Variants in KHDRBS2 observed in about 807,000 individuals in gnomAD.
KHDRBS2 encodes KH RNA binding domain containing, signal transduction associated 2.
In KHDRBS2, 26 loss-of-function variants were observed where a neutral mutation model predicts 44.3. The observed-to-expected ratio is 0.59, with a 90% CI of 0.43 to 0.81. KHDRBS2 has a LOEUF of 0.81. Among genes scored for constraint, KHDRBS2 ranks in the 40% least tolerant of loss-of-function variants. KHDRBS2 has a pLI of 0.00. For synonymous variants in KHDRBS2, 194 were observed against 151.1 expected (o/e 1.28, Z -2.08); for missense variants, 476 against 433.1 (o/e 1.10, Z -0.88).
At chr6:61,612,309 C>A in the KHDRBS2 span, among the ~76,000 whole-genome samples, 3 of 152,056 alleles carry the variant, frequency 2.0e-5, no homozygotes, top group African/African-American at 4.8e-5. Context: ...GATAACAGGT[C>A]TTTTTATAAA....
chr6:61,999,203 C>A (rs1200367116), intron 3 of KHDRBS2, among the ~76,000 whole-genome samples: 2 of 151,940 alleles, frequency 1.3e-5, no homozygotes, highest in African/African-American at 4.8e-5. Flanking sequence ...ATTTGTTCAC[C>A]AATTTCCAAC....
intron 2 of KHDRBS2, among the ~76,000 whole-genome samples, chr6:62,150,272 TGATGCAGG>T (rs1159312355): frequency 6.6e-6 from 1 of 150,792 alleles, no homozygotes; most frequent in Non-Finnish European, 1.5e-5. Flanking sequence ...TGGTGACAGT[TGATGCAGG>T]GATCATGCTT....
chr6:62,025,179 C>A (rs1006665002), intron 3 of KHDRBS2, among the ~76,000 whole-genome samples: 11 of 151,736 alleles, frequency 7.2e-5, no homozygotes, highest in Admixed American at 6.6e-5. Flanking sequence ...AGATTTTTAT[C>A]CTTTTCCAGC....
In KHDRBS2 at chr6:61,740,755, C is replaced by G. The variant is rs1776020044; in HGVS notation, c.811-7991G>C. Among the ~76,000 whole-genome samples the G allele has an allele frequency of 3.3e-5, 5 of 151,814 alleles. No homozygotes were observed. The South Asian group carries it at 1.0e-3, about 32-fold the overall frequency. On this transcript the variant is annotated intron_variant, in intron 6 of 8. Coordinates refer to ENST00000281156, the MANE Select transcript of KHDRBS2 (RefSeq NM_152688.4). ...AGCGTTGGCTGATGGTATTTTCTTC[C>G]AAAAAGCATTAAGTGTTTTCTTGTC...
intron 2 of KHDRBS2, among the ~76,000 whole-genome samples, chr6:62,161,888 A>C (rs982142625): frequency 2.0e-5 from 3 of 152,092 alleles, no homozygotes; most frequent in African/African-American, 7.2e-5. Flanking sequence ...AATTTCAGTG[A>C]CACACAAAAC....
chr6:62,067,138 G>T (rs926172143), intron 2 of KHDRBS2, among the ~76,000 whole-genome samples: 2 of 151,382 alleles, frequency 1.3e-5, no homozygotes, highest in African/African-American at 4.8e-5. Context: ...GATTACTTAG[G>T]TTACTTTTTA....
At position 61,834,680 on chromosome 6, in the gene KHDRBS2, T is replaced by A. The variant is rs559298027; in HGVS notation, c.810+59955A>T. ...TTCTCTGGGTTGTTTGTATGGTTCA[T>A]CATTTAATTCTTCTCATTACAAAGG... On this transcript the variant is annotated intron_variant, in intron 6 of 8. Transcript: ENST00000281156. 9.2e-5 allele frequency among the ~76,000 whole-genome samples: 14 copies of A among 152,134 alleles called. 1 individual carries two copies. Among genetic ancestry groups the A allele is most frequent in the Admixed American group, 5.9e-4 (9 of 15,250 alleles).
At chr6:61,945,110 AAAGTATATATATATATATATATATAT>A (rs1286987400) in intron 4 of KHDRBS2, among the ~76,000 whole-genome samples, 1 of 46,270 alleles carries the variant, frequency 2.2e-5, no homozygotes, top group South Asian at 7.3e-4. Context: ...AAAAAAAAAA[AAAGTATATATATATATATATATATAT>A]ATATATATAT....
At chr6:61,564,956 G>A in the KHDRBS2 span, among the ~76,000 whole-genome samples, 1 of 151,920 alleles carries the variant, frequency 6.6e-6, no homozygotes, top group African/African-American at 2.4e-5. Flanking sequence ...ACAGACCAAT[G>A]AGACAGAATA....
intron 1 of KHDRBS2, among the ~76,000 whole-genome samples, chr6:62,199,135 T>C (rs1176872435): frequency 2.0e-5 from 3 of 152,186 alleles, no homozygotes; most frequent in Non-Finnish European, 4.4e-5. Flanking sequence ...AGTATCATAT[T>C]GGATGGGCAA....
chr6:61,770,761 T>C (rs536661879), intron 6 of KHDRBS2, among the ~76,000 whole-genome samples: 4 of 152,328 alleles, frequency 2.6e-5, no homozygotes, highest in Admixed American at 2.0e-4. Flanking sequence ...GAAACCACTC[T>C]GCAGGATATT....
At chr6:62,007,448 A>T (rs764239594) in intron 3 of KHDRBS2, among the ~76,000 whole-genome samples, 25 of 151,688 alleles carry the variant, frequency 1.6e-4, no homozygotes, top group Non-Finnish European at 2.9e-4. Context: ...TGTTTTTTAT[A>T]AAATGCATGA....
chr6:61,874,805 C>G (rs1435775496), intron 6 of KHDRBS2, among the ~76,000 whole-genome samples: 1 of 152,120 alleles, frequency 6.6e-6, no homozygotes, highest in African/African-American at 2.4e-5. Context: ...CTAGTCAGAA[C>G]TGATGCCATG....
At chr6:61,660,901 C>T in the KHDRBS2 span, among the ~76,000 whole-genome samples, 1 of 151,882 alleles carries the variant, frequency 6.6e-6, no homozygotes, top group South Asian at 2.1e-4. Flanking sequence ...TTTTGTCCCC[C>T]ATCCTCCTTA....
At chr6:62,053,809 A>T (rs1789640338) in intron 2 of KHDRBS2, among the ~76,000 whole-genome samples, 2 of 152,050 alleles carry the variant, frequency 1.3e-5, no homozygotes, top group Admixed American at 6.6e-5. Context: ...ATATAATTAT[A>T]TACATAGAAA....
rs562422287 is a variant in KHDRBS2 at position 61,717,378 on chromosome 6, A to G, written c.893+15304T>C. On this transcript the variant is annotated intron_variant, in intron 7 of 8. Transcript: ENST00000281156. ...GAGAGAAAAAAAACAGTGTTTATTG[A>G]GAGCTGAATTCTCATCCTGTGATGG... 2.6e-5 allele frequency among the ~76,000 whole-genome samples: 4 copies of G among 152,066 alleles called. No individual in the cohort carries two copies. The South Asian group carries it at 8.3e-4, about 31-fold the overall frequency.
chr6:61,726,053 A>G (rs1469165987), intron 7 of KHDRBS2, among the ~76,000 whole-genome samples: 3 of 152,118 alleles, frequency 2.0e-5, no homozygotes, highest in Admixed American at 1.3e-4. Flanking sequence ...TCCTCAATAA[A>G]ATACTAGAAA....
intron 1 of KHDRBS2, among the ~76,000 whole-genome samples, chr6:62,226,574 A>G (rs1831871179): frequency 6.6e-6 from 1 of 152,154 alleles, no homozygotes; most frequent in African/African-American, 2.4e-5. Flanking sequence ...TTTTGTTACC[A>G]TTACTTTTGG....
intron 2 of KHDRBS2, among the ~76,000 whole-genome samples, chr6:62,131,738 A>G (rs1026320851): frequency 2.0e-5 from 3 of 152,240 alleles, no homozygotes; most frequent in Non-Finnish European, 4.4e-5. Context: ...CAACACATGT[A>G]TATCAGTCTC....
Sources: gnomAD v4.1 joint callset for allele counts (sites outside exome capture counted in the v4.1 genomes callset) on GRCh38, gnomAD v4.1.1 for gene constraint, MANE v1.5 for transcripts, NCBI Gene and HGNC (gene_info 2026-07-23, HGNC 2026-07-21) for gene names.